NLGN2: variants seen among roughly 807,000 people sequenced by gnomAD.
NLGN2 encodes neuroligin 2, also known as neuroligin-2.
In NLGN2, 11 loss-of-function variants were observed where a neutral mutation model predicts 48.6. The observed-to-expected ratio is 0.23, with a 90% confidence interval of 0.14 to 0.37. The LOEUF (loss-of-function observed/expected upper bound fraction) is 0.37, where lower values mean the gene tolerates loss of function less well. Ranked by LOEUF, NLGN2 falls within the 10% of genes least tolerant of loss-of-function variation. NLGN2 has a pLI of 1.00. For synonymous variants in NLGN2, 548 were observed against 550.0 expected, an observed-to-expected ratio of 1.00 and a Z score of 0.05; for missense variants, 801 against 1,225.2, an observed-to-expected ratio of 0.65 and a Z score of 5.17.
intron 2 of NLGN2, among the ~76,000 whole-genome samples, chr17:7,412,897 C>T (rs940276447): frequency 9.8e-5 from 10 of 102,018 alleles, no homozygotes; most frequent in Non-Finnish European, 1.4e-4. Context: ...TTGTTTTTTT[C>T]TTTCTTTCTT....
chr17:7,414,555 G>A, intron 3 of NLGN2, 62 bp downstream of exon 3: 17 of 1,611,956 alleles, frequency 1.1e-5, no homozygotes, highest in Non-Finnish European at 1.4e-5. Flanking sequence ...TGGTGGGCAG[G>A]GTTCCTCCAC....
chr17:7,412,113 C>T (rs368524064), intron 1 of NLGN2, 44 bp from the exon 2 acceptor site: 2 of 1,526,052 alleles, frequency 1.3e-6, no homozygotes, highest in Non-Finnish European at 1.8e-6. Flanking sequence ...CATCTTTCCC[C>T]ACAAAATTGT....
At position 7,417,746 on chromosome 17, in the gene NLGN2, G is replaced by T. The variant is rs1309189385; in HGVS notation, c.2455G>T (p.Ala819Ser). The change falls in exon 7 of 7, where the codon GCC (alanine) becomes TCC (serine). Residue 819 changes from alanine to serine, a missense_variant. Ala to Ser is a moderately conservative substitution (Grantham distance 99, BLOSUM62 1). Coordinates refer to ENST00000302926, the MANE Select transcript of NLGN2 (RefSeq NM_020795.4). ...GCCCTTCCCCCCGCCCCCTCCCACCGCCACCAGCCACAACAACACGCTACC... is the reference window on the plus strand; with the variant it reads ...GCCCTTCCCCCCGCCCCCTCCCACCTCCACCAGCCACAACAACACGCTACC... ...FGPFPPPPPT[A>S]TSHNNTLPHP... 16 of 882,186 alleles carry T rather than the reference G, an allele frequency of 1.8e-5. No individual in the cohort carries two copies. In the East Asian group the frequency reaches 8.5e-4, roughly 47 times the overall value. The allele number at this position is 882,186 out of a possible 1,614,324, so 54.6% of individuals were successfully genotyped here.
chr17:7,414,836 C>G lies in NLGN2; in HGVS notation c.832C>G (p.His278Asp). 1 of 1,614,200 alleles carries G rather than the reference C, an allele frequency of 6.2e-7. No homozygotes were observed. Residue 278 changes from histidine (H) to aspartate (D), a missense_variant, in exon 4 of 7, where the codon CAC (histidine) becomes GAC (aspartate). Physicochemically the swap from His to Asp is moderately conservative, Grantham distance 81. This residue lies in a region of NLGN2 where 303 missense variants were observed against 600.1 expected (regional missense o/e 0.50). Coordinates refer to ENST00000302926, the MANE Select transcript of NLGN2 (RefSeq NM_020795.4). ...ASCVNLLILS[H>D]HSEGLFQKAI... The stretch of plus-strand genomic sequence containing the variant: ...CTGCGTCAACCTTCTGATCCTCTCC[C>G]ACCATTCAGAAGGTACCAGCAGTGT...
Position 7,418,344 on chromosome 17 carries a change from C to CGCCCCTGCCTCCCTT in NLGN2, c.*552_*566dup, listed in dbSNP as rs1158918589. 9.8e-5 allele frequency: 15 copies of CGCCCCTGCCTCCCTT among 152,430 alleles called. No homozygotes were observed. The highest frequency in any genetic ancestry group is 3.1e-4 in the African/African-American group (13 of 41,538). 9.4% of individuals were successfully genotyped at this position (152,430 alleles called of 1,614,324 possible). On this transcript the variant is annotated 3_prime_UTR_variant, in exon 7 of 7. Coordinates refer to ENST00000302926, the MANE Select transcript of NLGN2 (RefSeq NM_020795.4). ...AGCAGCGAGGAAATCACAGCCCCCT[C>CGCCCCTGCCTCCCTT]GCCCCTGCCTCCCTTGCCCCTACCC...
rs1907147971 is a variant in NLGN2, at chr17:7,417,286, C to A, written c.1995C>A (p.Phe665Leu). 1 of 1,599,254 alleles carries A rather than the reference C, an allele frequency of 6.3e-7. No individual in the cohort carries two copies. Among genetic ancestry groups the A allele is most frequent in the South Asian group, 1.1e-5 (1 of 89,166 alleles). Residue 665 changes from phenylalanine to leucine, a missense_variant, in exon 7 of 7, where the codon TTC becomes TTA. This residue lies in a region of NLGN2 where 276 missense variants were observed against 313.9 expected (regional missense o/e 0.88). Coordinates refer to ENST00000302926, the MANE Select transcript of NLGN2 (RefSeq NM_020795.4). ...PEPGPRAYDR[F>L]PGDSRDYSTE... ...CCGGCCCAAGGGCCTATGACCGCTT[C>A]CCCGGGGACTCACGGGACTACTCCA...
chr17:7,416,341 T>G (rs1321895153), intron 6 of NLGN2, among the ~76,000 whole-genome samples: 1 of 151,784 alleles, frequency 6.6e-6, no homozygotes, highest in African/African-American at 2.4e-5. Flanking sequence ...GCTTGGCGTC[T>G]GTCTCTCCCT....
In NLGN2 at chr17:7,412,329, A is replaced by G; in HGVS notation, c.508+122A>G. The G allele has an allele frequency of 5.5e-6, 4 of 724,054 alleles. No individual in the cohort carries two copies. The South Asian group carries it at 6.3e-5, about 11-fold the overall frequency. 44.9% of individuals were successfully genotyped at this position (724,054 alleles called of 1,614,324 possible). On this transcript the variant is annotated intron_variant, in intron 2 of 6. Coordinates refer to ENST00000302926, the MANE Select transcript of NLGN2 (RefSeq NM_020795.4). ...TCAGTCGTTCTCCCAACTAAAATGA[A>G]AAAGAAAAGAAAAGAAAAATGTTTA... is the stretch of plus-strand genomic sequence containing the variant.
Position 7,417,156 on chromosome 17 carries a change from T to C in NLGN2, c.1865T>C (p.Leu622Pro). 6.2e-7 allele frequency: 1 copy of C among 1,604,558 alleles called. No homozygotes were observed. The highest frequency in any genetic ancestry group is 8.5e-7 in the Non-Finnish European group (1 of 1,178,070). The change falls in exon 7 of 7, where the codon CTG (leucine) becomes CCG (proline). Residue 622 changes from leucine (L) to proline (P), a missense_variant. Around this residue, in one of 5 missense-constraint regions of NLGN2, gnomAD observed 303 missense variants for 600.1 expected, o/e 0.50. Coordinates refer to ENST00000302926, the MANE Select transcript of NLGN2 (RefSeq NM_020795.4). ...GAGCTCTTCACCACCACCACGCGCC[T>C]GCCTCCCTACGCCACGCGCTGGCCG... Reference protein sequence around the residue: ...HTELFTTTTRLPPYATRWPPR... With the variant: ...HTELFTTTTRPPPYATRWPPR...
At chr17:7,405,374 G>C (rs545940326), upstream of NLGN2, 1 of 152,388 alleles carries the variant, frequency 6.6e-6, no homozygotes, top group Admixed American at 6.5e-5. The surrounding 1 kb of genome is among the most constrained non-coding windows in gnomAD (Gnocchi z 6.8). Context: ...GGGGTTCCCT[G>C]TTCTCGGGCT....
chr17:7,407,219 C>T (rs1009755830), upstream of NLGN2, among the ~76,000 whole-genome samples: 3 of 152,144 alleles, frequency 2.0e-5, no homozygotes, highest in Non-Finnish European at 4.4e-5. Context: ...AGCTGCAGCC[C>T]GTTGCCGAGG....
At chr17:7,406,657 G>A (rs1567658425), upstream of NLGN2, among the ~76,000 whole-genome samples, 1 of 140,040 alleles carries the variant, frequency 7.1e-6, no homozygotes, top group African/African-American at 2.5e-5. Flanking sequence ...GGGGGGCGGG[G>A]GGGGGGCTTG....
At chr17:7,406,657 G>GGGT (rs1555547603), upstream of NLGN2, among the ~76,000 whole-genome samples, 1 of 140,040 alleles carries the variant, frequency 7.1e-6, no homozygotes, top group Non-Finnish European at 1.6e-5. Flanking sequence ...GGGGGGCGGG[G>GGGT]GGGGGGCTTG....
At chr17:7,414,280 T>TTCC (rs1907006102) in intron 2 of NLGN2, 64 bp from the exon 3 acceptor site, 2 of 1,517,712 alleles carry the variant, frequency 1.3e-6, no homozygotes, top group African/African-American at 2.8e-5. Context: ...GCGCTGCTGC[T>TTCC]TCCGGTCTGA....
rs763290287 is a variant in NLGN2, at chr17:7,415,902, C to T, written c.1429C>T (p.Pro477Ser). The T allele has an allele frequency of 2.5e-6, 4 of 1,612,086 alleles. No homozygotes were observed. Among genetic ancestry groups the T allele is most frequent in the Non-Finnish European group, 3.4e-6 (4 of 1,178,450 alleles). The change falls in exon 6 of 7, where the codon CCC becomes TCC. Residue 477 changes from proline to serine, a missense_variant. Around this residue, in one of 5 missense-constraint regions of NLGN2, gnomAD observed 303 missense variants for 600.1 expected, o/e 0.50. Transcript: ENST00000302926. The part of the protein sequence containing the change: ...TAKLHADYQS[P>S]VYFYTFYHHC... ...CAAGCTGCACGCCGACTACCAGTCTCCCGTCTACTTTTACACCTTCTACCA... is the reference window on the plus strand; with the variant it reads ...CAAGCTGCACGCCGACTACCAGTCTTCCGTCTACTTTTACACCTTCTACCA...
At chr17:7,407,327 C>T (rs1906686607), upstream of NLGN2, among the ~76,000 whole-genome samples, 1 of 152,160 alleles carries the variant, frequency 6.6e-6, no homozygotes, top group Non-Finnish European at 1.5e-5. Flanking sequence ...CCTACTCTAA[C>T]CCCAGCCTCA....
rs1906964651 is a variant in NLGN2, at chr17:7,413,094, G to GGGGTGAGGATGGGAGAA, written c.508+887_508+888insGGGTGAGGATGGGAGAA. Reference sequence around the variant, plus strand: ...GGGAAGGAGATTCCGGCCTGAAAGTGCTGGGAGGTCACTTGAGGTTCAGGA... The same window carrying GGGGTGAGGATGGGAGAA: ...GGGAAGGAGATTCCGGCCTGAAAGTGGGGTGAGGATGGGAGAACTGGGAGGTCACTTGAGGTTCAGGA... On this transcript the variant is annotated intron_variant, in intron 2 of 6. Transcript: ENST00000302926. This position sits in a 1 kb window ranked among gnomAD's most constrained non-coding sequence, Gnocchi z 4.9. Among the ~76,000 whole-genome samples, 1 of 152,232 alleles carries GGGGTGAGGATGGGAGAA rather than the reference G, an allele frequency of 6.6e-6. No individual in the cohort carries two copies. Among genetic ancestry groups the GGGGTGAGGATGGGAGAA allele is most frequent in the Non-Finnish European group, 1.5e-5 (1 of 68,044 alleles).
Position 7,414,861 on chromosome 17 carries a change from T to C in NLGN2, c.844+13T>C. The C allele has an allele frequency of 6.2e-7, 1 of 1,614,088 alleles. No individual in the cohort carries two copies. The highest frequency in any genetic ancestry group is 8.5e-7 in the Non-Finnish European group (1 of 1,179,982). On this transcript the variant is annotated intron_variant, in intron 4 of 6. Coordinates refer to ENST00000302926, the MANE Select transcript of NLGN2 (RefSeq NM_020795.4). ...CACCATTCAGAAGGTACCAGCAGTG[T>C]CCCAGCCTGTTCCACCCTTCCCAAC...
In NLGN2 at chr17:7,418,024, T is replaced by G; in HGVS notation, c.*225T>G. On this transcript the variant is annotated 3_prime_UTR_variant, in exon 7 of 7. Coordinates refer to ENST00000302926, the MANE Select transcript of NLGN2 (RefSeq NM_020795.4). ...CTTTGAACAACTGGGGGGCGTTTTC[T>G]CCCCCCCATTGGGACACCAGTCTTC... The G allele has an allele frequency of 1.5e-5, 5 of 340,462 alleles. No homozygotes were observed. The highest frequency in any genetic ancestry group is 4.8e-5 in the Admixed American group (1 of 20,724). 21.1% of individuals were successfully genotyped at this position (340,462 alleles called of 1,614,324 possible). A position where few individuals can be genotyped will look rare whatever the true frequency, so the allele number is the denominator to read the frequency against.
Sources: gnomAD v4.1 joint callset for allele counts (sites outside exome capture counted in the v4.1 genomes callset) on GRCh38, gnomAD v4.1.1 for gene constraint, gnomAD v4.1.1 regional missense constraint, Gnocchi (gnomAD v3.1) non-coding constraint, MANE v1.5 for transcripts, NCBI Gene and HGNC (gene_info 2026-07-23, HGNC 2026-07-21) for gene names.